CDK11B: variants seen among roughly 807,000 people sequenced by gnomAD.
CDK11B encodes cyclin-dependent kinase 11B.
Under a neutral mutation model 84.0 loss-of-function variants are expected in CDK11B, and 37 were observed. That is an observed-to-expected ratio of 0.44 (90% CI 0.34 to 0.58). The LOEUF is 0.58. Among genes scored for constraint, CDK11B ranks in the 20% least tolerant of loss-of-function variants. The probability of loss-of-function intolerance (pLI) is 0.02; values close to 1 mark genes in which losing one functional copy is unlikely to be tolerated. For synonymous variants in CDK11B, 269 were observed against 309.8 expected (o/e 0.87, Z 1.38); for missense variants, 427 against 834.0 (o/e 0.51, Z 6.01).
chr1:1,656,561 G>A (rs1278091707), intron 2 of CDK11B, among the ~76,000 whole-genome samples: 2 of 152,122 alleles, frequency 1.3e-5, no homozygotes, highest in East Asian at 3.9e-4. Context: ...AGGCCGAGGT[G>A]GGTGGATCAT....
At chr1:1,648,387 C>A (rs548724820) in intron 5 of CDK11B, among the ~76,000 whole-genome samples, 1 of 152,258 alleles carries the variant, frequency 6.6e-6, no homozygotes, top group East Asian at 1.9e-4. Context: ...ACCTTGCTCA[C>A]CCCGCAGCGG....
chr1:1,650,093 A>AC (rs1287076560), intron 4 of CDK11B, among the ~76,000 whole-genome samples: 1 of 150,792 alleles, frequency 6.6e-6, no homozygotes, highest in Non-Finnish European at 1.5e-5. Context: ...ACACGGTGAA[A>AC]CCCCATCTCT....
At chr1:1,636,309 G>T (rs369693053) in intron 18 of CDK11B, 24 bp downstream of exon 18, 1 of 1,545,262 alleles carries the variant, frequency 6.5e-7, no homozygotes, top group Admixed American at 2.0e-5. Flanking sequence ...GGGACCTCCC[G>T]CCACCCGGCT....
chr1:1,636,513 C>T (rs758250076), intron 17 of CDK11B, 32 bp from the exon 18 acceptor site: 3 of 1,602,384 alleles, frequency 1.9e-6, no homozygotes, highest in Non-Finnish European at 1.7e-6. Flanking sequence ...ACAGCCACAC[C>T]AAGTGGCCCA....
rs1046170093 is a variant in CDK11B at position 1,654,448 on chromosome 1, C to CT, written c.227+920dup. Among the ~76,000 whole-genome samples, 17 of 151,974 alleles carry CT rather than the reference C, an allele frequency of 1.1e-4. 2 individuals carry two copies. The highest frequency in any genetic ancestry group is 3.3e-4 in the Admixed American group (5 of 15,256). ...AAACTCATTTAGTTTTTCTCATCTT[C>CT]TTTTTTTTATTTTGTGTAGAGACGA... On this transcript the variant is annotated intron_variant, in intron 3 of 19. Coordinates refer to ENST00000341832, the MANE Select transcript of CDK11B (RefSeq NM_033486.3).
chr1:1,639,801 A>G (rs1290285944), intron 11 of CDK11B, among the ~76,000 whole-genome samples: 1 of 152,048 alleles, frequency 6.6e-6, no homozygotes, highest in East Asian at 1.9e-4. Context: ...AATCGCTCCC[A>G]ACAATATCCT....
chr1:1,651,571 G>C, intron 4 of CDK11B, among the ~76,000 whole-genome samples: 1 of 151,328 alleles, frequency 6.6e-6, no homozygotes, highest in East Asian at 1.9e-4. Flanking sequence ...CATGCTTTCA[G>C]CTGGAGTTTG....
intron 5 of CDK11B, chr1:1,645,757 G>A (rs1163473368): frequency 5.4e-5 from 18 of 335,812 alleles, no homozygotes; most frequent in Non-Finnish European, 1.2e-5. Flanking sequence ...TGGGCTCTGT[G>A]GTTAGATGCA....
intron 12 of CDK11B, among the ~76,000 whole-genome samples, 156 bp downstream of exon 12, chr1:1,638,344 C>T (rs2100696552): frequency 6.6e-6 from 1 of 152,340 alleles, no homozygotes. Context: ...TGGCAAAGCC[C>T]CAGGGCCAGG....
At position 1,654,235 on chromosome 1, in the gene CDK11B, C is replaced by T. The variant is rs139482042; in HGVS notation, c.227+1134G>A. ...AAAACAAACGAGAAACAGTTCATGG[C>T]ACAGGAAGAAACGTCGGAACACACA... On this transcript the variant is annotated intron_variant, in intron 3 of 19. Coordinates refer to ENST00000341832, the MANE Select transcript of CDK11B (RefSeq NM_033486.3). 1.3e-3 allele frequency: 592 copies of T among 443,636 alleles called. 2 individuals are homozygous for T. Among genetic ancestry groups the T allele is most frequent in the African/African-American group, 0.011 (548 of 49,398 alleles). The allele number at this position is 443,636 out of a possible 1,614,324, so 27.5% of individuals were successfully genotyped here.
At chr1:1,639,612 C>CCTACGG (rs1370666039) in intron 11 of CDK11B, among the ~76,000 whole-genome samples, 1 of 151,838 alleles carries the variant, frequency 6.6e-6, no homozygotes, top group Non-Finnish European at 1.5e-5. Flanking sequence ...TGGCCCGACG[C>CCTACGG]CTACGCTCAG....
At position 1,635,456 on chromosome 1, in the gene CDK11B, A is replaced by G. The variant is rs1639161114; in HGVS notation, c.*308T>C. 1 of 214,426 alleles carries G rather than the reference A, an allele frequency of 4.7e-6. No individual in the cohort carries two copies. Among genetic ancestry groups the G allele is most frequent in the Non-Finnish European group, 7.9e-6 (1 of 126,114 alleles). 13.3% of individuals were successfully genotyped at this position (214,426 alleles called of 1,614,324 possible). A position where few individuals can be genotyped will look rare whatever the true frequency, so the allele number is the denominator to read the frequency against. The stretch of plus-strand genomic sequence containing the variant: ...CCCGGCTCCCACCAGTTCCTTTCCA[A>G]ATCACGGCCCAGCCAGCCCCGTGCG... On this transcript the variant is annotated 3_prime_UTR_variant, in exon 20 of 20. Transcript: ENST00000341832.
chr1:1,653,863 C>CACAA (rs761317190), intron 3 of CDK11B, among the ~76,000 whole-genome samples: 2,956 of 132,902 alleles, frequency 0.022, 85 homozygotes, highest in African/African-American at 0.092. Context: ...CACACACACA[C>CACAA]CCGAGCGTGG....
intron 13 of CDK11B, 86 bp from the exon 14 acceptor site, chr1:1,637,599 G>A (rs543914306): frequency 1.4e-5 from 22 of 1,609,384 alleles, no homozygotes; most frequent in Non-Finnish European, 1.8e-5. Flanking sequence ...GGGACAGTAA[G>A]GACCTCCGGT....
At chr1:1,654,351 T>C (rs1468899998) in intron 3 of CDK11B, among the ~76,000 whole-genome samples, 2 of 152,214 alleles carry the variant, frequency 1.3e-5, no homozygotes, top group Non-Finnish European at 2.9e-5. Context: ...TTCTAGGCTC[T>C]GTCAGGGGTG....
At chr1:1,640,783 A>G (rs1018497523) in intron 10 of CDK11B, among the ~76,000 whole-genome samples, 3 of 152,220 alleles carry the variant, frequency 2.0e-5, no homozygotes, top group Admixed American at 2.0e-4. Flanking sequence ...GCCCGGAGCC[A>G]CCATCTGACG....
chr1:1,654,403 G>A (rs772328571), intron 3 of CDK11B, among the ~76,000 whole-genome samples: 1 of 152,092 alleles, frequency 6.6e-6, no homozygotes, highest in East Asian at 1.9e-4. Flanking sequence ...TGACCATGAG[G>A]GGCACCTGCT....
intron 4 of CDK11B, among the ~76,000 whole-genome samples, chr1:1,652,218 C>A (rs1642111654): frequency 6.6e-6 from 1 of 152,106 alleles, no homozygotes; most frequent in South Asian, 2.1e-4. Context: ...ATGCTTTCAG[C>A]TAGAGTTTGC....
rs1481894997 is a variant in CDK11B at position 1,636,669 on chromosome 1, G to C, written c.1917+13C>G. ...ACAACCCCACAGCGCACCTGCAGCAGGGCCAGACCCACCTTGAACACCTTG... is the reference window on the plus strand; with the variant it reads ...ACAACCCCACAGCGCACCTGCAGCACGGCCAGACCCACCTTGAACACCTTG... On this transcript the variant is annotated intron_variant, in intron 17 of 19. Coordinates refer to ENST00000341832, the MANE Select transcript of CDK11B (RefSeq NM_033486.3). The C allele has an allele frequency of 1.2e-6, 2 of 1,613,866 alleles. No individual in the cohort carries two copies. Among genetic ancestry groups the C allele is most frequent in the South Asian group, 1.1e-5 (1 of 91,088 alleles).
Sources: allele counts gnomAD v4.1 joint callset (sites outside exome capture counted in the v4.1 genomes callset), GRCh38; gene constraint gnomAD v4.1.1; transcripts MANE v1.5; gene names NCBI Gene and HGNC (gene_info 2026-07-23, HGNC 2026-07-21).